Variants in PTPRD observed in about 807,000 individuals in gnomAD.
PTPRD encodes the protein protein tyrosine phosphatase receptor type D.
Under a neutral mutation model 214.5 loss-of-function variants are expected in PTPRD, and 34 were observed. That is an observed-to-expected ratio of 0.16 (90% CI 0.12 to 0.21). PTPRD has a LOEUF of 0.21. PTPRD is among the 10% of genes least tolerant of loss of function. The probability of loss-of-function intolerance (pLI) is 1.00; values close to 1 mark genes in which losing one functional copy is unlikely to be tolerated. For synonymous variants in PTPRD, 1,128 were observed against 845.7 expected, an observed-to-expected ratio of 1.33 and a Z score of -5.79; for missense variants, 2,545 against 2,398.7, an observed-to-expected ratio of 1.06 and a Z score of -1.27.
chr9:10,110,545 G>C (rs2098681549), intron 3 of PTPRD, among the ~76,000 whole-genome samples: 1 of 152,170 alleles, frequency 6.6e-6, no homozygotes, highest in African/African-American at 2.4e-5. Context: ...AGATGAGAAA[G>C]GGGGAAACAA....
At chr9:10,380,921 T>C (rs939658220) in intron 2 of PTPRD, among the ~76,000 whole-genome samples, 1 of 151,984 alleles carries the variant, frequency 6.6e-6, no homozygotes, top group Non-Finnish European at 1.5e-5. Flanking sequence ...ACTTCACACA[T>C]TGAAAATAGT....
chr9:9,623,480 C>A (rs1369900737), intron 7 of PTPRD, among the ~76,000 whole-genome samples: 1 of 152,210 alleles, frequency 6.6e-6, no homozygotes, highest in Non-Finnish European at 1.5e-5. Flanking sequence ...ACTTGACAGG[C>A]ACTCACTGAC....
intron 3 of PTPRD, among the ~76,000 whole-genome samples, chr9:10,047,312 C>CGTGTGTGTGTGTG (rs1316571345): frequency 0.061 from 8,473 of 138,686 alleles, 299 homozygotes; most frequent in Non-Finnish European, 0.072. Flanking sequence ...AATCAACTAA[C>CGTGTGTGTGTGTG]TGTGTGTGTG....
chr9:8,435,682 T>C (rs141736571), intron 35 of PTPRD, among the ~76,000 whole-genome samples: 487 of 148,238 alleles, frequency 3.3e-3, no homozygotes, highest in African/African-American at 0.012. Flanking sequence ...TTGATTGATA[T>C]ATACCACAAT....
chr9:9,031,244 C>T (rs761585415), intron 10 of PTPRD, among the ~76,000 whole-genome samples: 19 of 151,098 alleles, frequency 1.3e-4, no homozygotes, highest in Middle Eastern at 3.4e-3. Flanking sequence ...TCCTTGGCAC[C>T]TAGTAGACTG....
chr9:8,458,655 T>C (rs1382363985), intron 33 of PTPRD, among the ~76,000 whole-genome samples: 1 of 152,106 alleles, frequency 6.6e-6, no homozygotes, highest in Non-Finnish European at 1.5e-5. Flanking sequence ...CTGCTTGGAC[T>C]CAAACAGGGT....
At chr9:8,594,847 A>G (rs112498670) in intron 14 of PTPRD, among the ~76,000 whole-genome samples, 4,015 of 146,814 alleles carry the variant, frequency 0.027, 170 homozygotes, top group East Asian at 0.11. Context: ...ATGAAATCAT[A>G]TATGTTTAAC....
chr9:10,150,786 T>C (rs866188466), intron 3 of PTPRD, among the ~76,000 whole-genome samples: 1 of 152,056 alleles, frequency 6.6e-6, no homozygotes, highest in Non-Finnish European at 1.5e-5. Context: ...GAAAACATGA[T>C]GTAGTTTCCC....
intron 7 of PTPRD, among the ~76,000 whole-genome samples, chr9:9,700,382 T>G (rs1407996682): frequency 6.6e-6 from 1 of 152,162 alleles, no homozygotes; most frequent in African/African-American, 2.4e-5. Flanking sequence ...AGACAATATT[T>G]ATATACTAAT....
At chr9:9,973,493 G>T (rs1165531811) in intron 4 of PTPRD, among the ~76,000 whole-genome samples, 1 of 151,738 alleles carries the variant, frequency 6.6e-6, no homozygotes, top group African/African-American at 2.4e-5. Context: ...ATTAAAAGTA[G>T]ATGTTTTCAT....
intron 9 of PTPRD, among the ~76,000 whole-genome samples, chr9:9,378,977 G>A (rs2061484049): frequency 1.4e-5 from 2 of 147,426 alleles, no homozygotes; most frequent in African/African-American, 5.0e-5. Flanking sequence ...TCTTGACATT[G>A]TATTTGAAAA....
intron 37 of PTPRD, among the ~76,000 whole-genome samples, chr9:8,379,958 T>A (rs1589110231): frequency 6.6e-6 from 1 of 152,106 alleles, no homozygotes; most frequent in African/African-American, 2.4e-5. Context: ...GTCTCCAGCA[T>A]TACAGAGCTA....
intron 2 of PTPRD, among the ~76,000 whole-genome samples, chr9:10,348,563 A>G (rs1181721686): frequency 6.6e-6 from 1 of 152,072 alleles, no homozygotes; most frequent in Non-Finnish European, 1.5e-5. Context: ...AAAGCATAAA[A>G]CTTGTCTTCT....
chr9:10,356,234 T>C (rs980111053), intron 2 of PTPRD, among the ~76,000 whole-genome samples: 2 of 151,978 alleles, frequency 1.3e-5, no homozygotes, highest in Non-Finnish European at 1.5e-5. Flanking sequence ...CAACAAGAAG[T>C]AAAGTGGTGA....
intron 5 of PTPRD, among the ~76,000 whole-genome samples, chr9:9,893,408 G>C (rs750777139): frequency 5.9e-5 from 9 of 151,944 alleles, no homozygotes; most frequent in Non-Finnish European, 1.3e-4. Flanking sequence ...GACACACATA[G>C]ACTCAAAATA....
intron 8 of PTPRD, among the ~76,000 whole-genome samples, chr9:9,452,971 T>C (rs959885682): frequency 3.3e-5 from 5 of 151,366 alleles, no homozygotes; most frequent in Non-Finnish European, 5.9e-5. Context: ...CTTCATATGA[T>C]TTTTCTGTAT....
At chr9:8,907,534 ATATAT>A (rs1249554733) in intron 11 of PTPRD, among the ~76,000 whole-genome samples, 29 of 104,648 alleles carry the variant, frequency 2.8e-4, no homozygotes, top group African/African-American at 4.0e-4. Flanking sequence ...AAAAAAAAAA[ATATAT>A]ATATATATAT....
intron 4 of PTPRD, among the ~76,000 whole-genome samples, chr9:9,996,967 T>C (rs766293721): frequency 3.9e-5 from 6 of 152,156 alleles, no homozygotes; most frequent in African/African-American, 9.7e-5. Flanking sequence ...GTATGGCCTG[T>C]ATACAGGAAA....
intron 3 of PTPRD, among the ~76,000 whole-genome samples, chr9:10,248,524 A>AT (rs1564778887): frequency 3.2e-5 from 1 of 31,470 alleles, no homozygotes; most frequent in African/African-American, 5.8e-5. Flanking sequence ...AAAAAAAAAA[A>AT]AATAAAAAAA....
Sources: allele counts gnomAD v4.1 joint callset (sites outside exome capture counted in the v4.1 genomes callset), GRCh38; gene constraint gnomAD v4.1.1; transcripts MANE v1.5; gene names NCBI Gene and HGNC (gene_info 2026-07-23, HGNC 2026-07-21).